The following DRD3 variants were observed in gnomAD, a reference collection of about 807,000 sequenced individuals.
DRD3 encodes D(3) dopamine receptor.
A neutral mutation model predicts 36.3 loss-of-function variants in DRD3; 19 were observed. The observed-to-expected ratio is 0.52, with a 90% CI of 0.36 to 0.77. The LOEUF (loss-of-function observed/expected upper bound fraction) is 0.77. DRD3 is among the 30% of genes least tolerant of loss of function. The pLI is 0.00. For synonymous variants in DRD3, 195 were observed against 203.7 expected (o/e 0.96, Z 0.36); for missense variants, 465 against 505.3 (o/e 0.92, Z 0.77).
intron 3 of DRD3, among the ~76,000 whole-genome samples, chr3:114,152,423 ACTT>A (rs2077626164): frequency 2.0e-5 from 3 of 152,256 alleles, no homozygotes; most frequent in Admixed American, 6.5e-5. Flanking sequence ...ATTAGGGAAA[ACTT>A]CTGTGACAAA....
intron 6 of DRD3, 89 bp downstream of exon 6, chr3:114,131,029 T>C: frequency 1.4e-6 from 2 of 1,440,726 alleles, no homozygotes. Context: ...ATTACTGTCA[T>C]CAAATTTCCG....
chr3:114,145,744 T>C (rs1046460464), intron 4 of DRD3, among the ~76,000 whole-genome samples: 6 of 152,210 alleles, frequency 3.9e-5, no homozygotes, highest in African/African-American at 1.4e-4. Flanking sequence ...AAGATATACA[T>C]GGTTTTATTA....
intron 2 of DRD3, among the ~76,000 whole-genome samples, chr3:114,163,979 C>CACTTTGGG (rs1403363462): frequency 1.3e-5 from 2 of 151,902 alleles, no homozygotes; most frequent in Non-Finnish European, 2.9e-5. Flanking sequence ...GTAATCCCAG[C>CACTTTGGG]ACTTTGGGAG....
At chr3:114,145,444 C>T (rs1290677403) in intron 4 of DRD3, among the ~76,000 whole-genome samples, 2 of 152,122 alleles carry the variant, frequency 1.3e-5, no homozygotes, top group African/African-American at 4.8e-5. Flanking sequence ...AACAGTAACG[C>T]AAAGATAACA....
chr3:114,176,498 G>A (rs914829429), intron 1 of DRD3, among the ~76,000 whole-genome samples: 1 of 152,118 alleles, frequency 6.6e-6, no homozygotes, highest in Admixed American at 6.5e-5. Flanking sequence ...CCAGCTACTC[G>A]AAAGACTGAG....
chr3:114,144,637 G>A (rs1479417480), intron 4 of DRD3, among the ~76,000 whole-genome samples: 2 of 152,144 alleles, frequency 1.3e-5, no homozygotes, highest in Admixed American at 6.5e-5. Flanking sequence ...TCTTACGACT[G>A]CAGATGTATA....
chr3:114,170,679 C>T (rs1402195905), intron 2 of DRD3, among the ~76,000 whole-genome samples: 3 of 151,986 alleles, frequency 2.0e-5, no homozygotes, highest in Non-Finnish European at 4.4e-5. Context: ...GGTATTAGCA[C>T]AGGCAGTCTA....
intron 1 of DRD3, among the ~76,000 whole-genome samples, chr3:114,188,326 C>T (rs1017132948): frequency 1.3e-5 from 2 of 151,176 alleles, no homozygotes; most frequent in Non-Finnish European, 1.5e-5. Flanking sequence ...ATTCTTGTGC[C>T]TCAGCCCCTC....
chr3:114,156,808 TTTTC>T (rs1277655886), intron 3 of DRD3, among the ~76,000 whole-genome samples: 13 of 132,886 alleles, frequency 9.8e-5, no homozygotes, highest in Admixed American at 5.8e-4. Flanking sequence ...TCTCTTTTCT[TTTTC>T]TTTCTTTTTT....
intron 2 of DRD3, among the ~76,000 whole-genome samples, chr3:114,163,851 G>A (rs1440216548): frequency 6.6e-6 from 1 of 152,182 alleles, no homozygotes. Context: ...ATGAGGCAAT[G>A]TGATAGGCAC....
intron 5 of DRD3, 148 bp downstream of exon 5, chr3:114,139,352 A>T (rs2077503147): frequency 1.3e-6 from 1 of 759,802 alleles, no homozygotes; most frequent in African/African-American, 1.7e-5. Context: ...CTACCTTCAA[A>T]GCGCAGCCAA....
At chr3:114,131,449 A>G (rs2077430299) in intron 5 of DRD3, 49 bp from the exon 6 acceptor site, 2 of 1,567,876 alleles carry the variant, frequency 1.3e-6, no homozygotes, top group Admixed American at 1.8e-5. Context: ...GGTATTGTTT[A>G]TCTTCTGAAT....
At chr3:114,191,798 T>C (rs1464770676) in intron 1 of DRD3, among the ~76,000 whole-genome samples, 1 of 152,184 alleles carries the variant, frequency 6.6e-6, no homozygotes, top group African/African-American at 2.4e-5. Context: ...GCCAAAATAG[T>C]GATTGAATTG....
intron 5 of DRD3, among the ~76,000 whole-genome samples, chr3:114,134,707 A>G (rs2077460363): frequency 6.6e-6 from 1 of 152,200 alleles, no homozygotes; most frequent in South Asian, 2.1e-4. Flanking sequence ...AGCATGAGCC[A>G]CAGCATCTGG....
At chr3:114,157,385 A>G (rs575931740) in intron 3 of DRD3, among the ~76,000 whole-genome samples, 1 of 151,852 alleles carries the variant, frequency 6.6e-6, no homozygotes, top group Admixed American at 6.6e-5. Context: ...ATCTCTTCCC[A>G]GGTTGCCCCA....
upstream of DRD3, among the ~76,000 whole-genome samples, chr3:114,181,918 C>T (rs769113254): frequency 6.6e-6 from 1 of 152,182 alleles, no homozygotes; most frequent in Non-Finnish European, 1.5e-5. Context: ...CTCACTAGGA[C>T]AGTATGGAGA....
chr3:114,131,166 C>T lies in DRD3; in HGVS notation c.958G>A (p.Val320Met). Residue 320 changes from valine to methionine, a missense_variant, in exon 6 of 7, where the codon GTG (valine) becomes ATG (methionine). By Grantham distance (21) the Val-to-Met change is conservative. Transcript: ENST00000383673. The stretch of plus-strand genomic sequence containing the variant: ...GTTGCCTTCTTCTCCCGAAGTGGCA[C>T]TCCCCGAGGTTGCAGGGGCCCCAGC... ...LKLGPLQPRG[V>M]PLREKKATQM... The T allele has an allele frequency of 6.2e-7, 1 of 1,614,196 alleles. No individual in the cohort carries two copies. Among genetic ancestry groups the T allele is most frequent in the Non-Finnish European group, 8.5e-7 (1 of 1,180,022 alleles).
intron 1 of DRD3, among the ~76,000 whole-genome samples, chr3:114,187,342 C>A (rs1451053422): frequency 6.6e-6 from 1 of 152,174 alleles, no homozygotes; most frequent in Non-Finnish European, 1.5e-5. Context: ...GCAGCTTTAT[C>A]TTCATATCTT....
upstream of DRD3, among the ~76,000 whole-genome samples, chr3:114,182,826 C>A (rs745311638): frequency 5.9e-5 from 9 of 152,136 alleles, no homozygotes; most frequent in Non-Finnish European, 1.2e-4. Flanking sequence ...AAGTATATGT[C>A]AGAATTTTCT....
Sources: allele counts gnomAD v4.1 joint callset (sites outside exome capture counted in the v4.1 genomes callset), GRCh38; gene constraint gnomAD v4.1.1; transcripts MANE v1.5; gene names NCBI Gene and HGNC (gene_info 2026-07-23, HGNC 2026-07-21).